Variants in SNTA1 observed in about 807,000 individuals in gnomAD.
SNTA1 encodes the protein syntrophin alpha 1, also known as alpha-1-syntrophin.
Under a neutral mutation model 47.1 loss-of-function variants are expected in SNTA1, and 31 were observed. The ratio of observed to expected loss-of-function variants is 0.66; its 90% CI spans 0.49 to 0.89. The LOEUF (loss-of-function observed/expected upper bound fraction) is 0.89. Ranked by LOEUF, SNTA1 falls within the 40% of genes least tolerant of loss-of-function variation. The pLI, the probability that SNTA1 is intolerant of heterozygous loss-of-function variation, is 0.00. For synonymous variants in SNTA1, 300 were observed against 313.6 expected (o/e 0.96, Z 0.46); for missense variants, 575 against 693.0 (o/e 0.83, Z 1.91).
intron 2 of SNTA1, among the ~76,000 whole-genome samples, chr20:33,431,317 G>T (rs772720182): frequency 2.0e-5 from 3 of 152,146 alleles, no homozygotes; most frequent in Non-Finnish European, 4.4e-5. Context: ...GCATCTGAAA[G>T]ACTTGAGCTC....
At chr20:33,426,891 G>A (rs546754836) in intron 2 of SNTA1, among the ~76,000 whole-genome samples, 4 of 151,762 alleles carry the variant, frequency 2.6e-5, no homozygotes, top group Admixed American at 1.3e-4. Flanking sequence ...GCAAAACTCC[G>A]TCTCTACCAA....
At position 33,408,418 on chromosome 20, in the gene SNTA1, C is replaced by A. The variant is rs1215908232; in HGVS notation, c.*89G>T. ...CTTGTTCCTCTCCTCTCCCTTCCCT[C>A]AGCCCAGGGGTGAGCAGGCAGTCGG... is the stretch of plus-strand genomic sequence containing the variant. On this transcript the variant is annotated 3_prime_UTR_variant, in exon 8 of 8. Coordinates refer to ENST00000217381, the MANE Select transcript of SNTA1 (RefSeq NM_003098.3). 2.1e-6 allele frequency: 2 copies of A among 943,260 alleles called. No individual in the cohort carries two copies. The highest frequency in any genetic ancestry group is 3.4e-6 in the Non-Finnish European group (2 of 582,130). The allele number at this position is 943,260 out of a possible 1,614,324, so 58.4% of individuals were successfully genotyped here.
chr20:33,414,902 C>G (rs79983103), intron 3 of SNTA1, among the ~76,000 whole-genome samples: 2,489 of 152,218 alleles, frequency 0.016, 64 homozygotes, highest in African/African-American at 0.056. Context: ...GAAAATTAAC[C>G]CCTTTTATTT....
chr20:33,422,860 T>C (rs960955770), intron 2 of SNTA1, among the ~76,000 whole-genome samples: 2 of 152,088 alleles, frequency 1.3e-5, no homozygotes, highest in Admixed American at 6.6e-5. Context: ...AGAGGTGCCA[T>C]AGCCCAGGAG....
chr20:33,413,725 C>T (rs1160912639), intron 3 of SNTA1, among the ~76,000 whole-genome samples: 2 of 150,662 alleles, frequency 1.3e-5, no homozygotes, highest in South Asian at 2.1e-4. Context: ...CCCAGGAGTT[C>T]GAGACCAGCC....
In SNTA1 at chr20:33,408,477, C is replaced by T. The variant is rs1444664597; in HGVS notation, c.*30G>A. On this transcript the variant is annotated 3_prime_UTR_variant, in exon 8 of 8. Coordinates refer to ENST00000217381, the MANE Select transcript of SNTA1 (RefSeq NM_003098.3). The stretch of plus-strand genomic sequence containing the variant: ...CAGCTCAGGCCATGTCATGGACACC[C>T]CTCTTCAGGGCTAGTGCATCCGGCG... The T allele has an allele frequency of 1.3e-6, 2 of 1,510,472 alleles. No individual in the cohort carries two copies. Among genetic ancestry groups the T allele is most frequent in the Admixed American group, 3.3e-5 (2 of 59,798 alleles). 93.6% of individuals were successfully genotyped at this position (1,510,472 alleles called of 1,614,324 possible). A position where few individuals can be genotyped will look rare whatever the true frequency, so the allele number is the denominator to read the frequency against.
chr20:33,425,713 T>C (rs966809483), intron 2 of SNTA1, among the ~76,000 whole-genome samples: 15 of 151,988 alleles, frequency 9.9e-5, no homozygotes, highest in African/African-American at 3.6e-4. Context: ...AGGCTTGTAA[T>C]AACGTCCTTG....
rs1359042004 is a variant in SNTA1, at chr20:33,408,805, C to G, written c.1321G>C (p.Ala441Pro). The change falls in exon 7 of 8, where the codon GCC (alanine) becomes CCC (proline). Residue 441 changes from alanine to proline, a missense_variant. Coordinates refer to ENST00000217381, the MANE Select transcript of SNTA1 (RefSeq NM_003098.3). ...GGCTGTCGCAGGAGCACAGCTCGGG[C>G]TGCACCTGGCTCAGCCGCCCACAGT... ...FTLWAAEPGA[A>P]RAVLLRQPFE... The G allele has an allele frequency of 6.2e-7, 1 of 1,614,196 alleles. No homozygotes were observed. The highest frequency in any genetic ancestry group is 8.5e-7 in the Non-Finnish European group (1 of 1,180,016).
chr20:33,430,747 G>A lies in SNTA1; in HGVS notation c.496+8094C>T, dbSNP rs147131997. Among the ~76,000 whole-genome samples, 934 of 151,646 alleles carry A rather than the reference G, an allele frequency of 6.2e-3. 15 individuals carry two copies. The highest frequency in any genetic ancestry group is 0.022 in the African/African-American group (899 of 41,350). ...GCGGATCACATGAGGTCAGGAATTC[G>A]AGACCAGCCTGGCTAACATGGTGAG... is the stretch of plus-strand genomic sequence containing the variant. On this transcript the variant is annotated intron_variant, in intron 2 of 7. Transcript: ENST00000217381.
chr20:33,410,128 A>G lies in SNTA1; in HGVS notation c.1237+7T>C. The G allele has an allele frequency of 2.5e-6, 4 of 1,614,192 alleles. No homozygotes were observed. The highest frequency in any genetic ancestry group is 3.4e-6 in the Non-Finnish European group (4 of 1,179,988). On this transcript the variant is annotated splice_region_variant and intron_variant, in intron 6 of 7. Transcript: ENST00000217381. ...CAGAGGGACACTCCCAGATCCTCCC[A>G]GCACACCTGTAGACACCTCCTGCAC...
chr20:33,443,642 C>A lies in SNTA1; in HGVS notation c.-22G>T. 1 of 1,195,264 alleles carries A rather than the reference C, an allele frequency of 8.4e-7. No homozygotes were observed. The highest frequency in any genetic ancestry group is 3.1e-5 in the South Asian group (1 of 32,238). The allele number at this position is 1,195,264 out of a possible 1,614,324, so 74.0% of individuals were successfully genotyped here. On this transcript the variant is annotated 5_prime_UTR_variant, in exon 1 of 8. Transcript: ENST00000217381. ...CCATCTTCGCCTCCGAGCCCCCGGGCCGCCGCGCTCGCCCTGTCCCGCTTT... is the reference window on the plus strand; with the variant it reads ...CCATCTTCGCCTCCGAGCCCCCGGGACGCCGCGCTCGCCCTGTCCCGCTTT...
At chr20:33,437,718 T>G (rs1260347191) in intron 2 of SNTA1, among the ~76,000 whole-genome samples, 3 of 152,150 alleles carry the variant, frequency 2.0e-5, no homozygotes, top group Non-Finnish European at 4.4e-5. Context: ...TTCTGGGCCA[T>G]AAGCCAGAGA....
intron 2 of SNTA1, among the ~76,000 whole-genome samples, chr20:33,427,710 C>T (rs941725831): frequency 1.3e-5 from 2 of 152,018 alleles, no homozygotes; most frequent in South Asian, 2.1e-4. Context: ...AGGCTTATAG[C>T]GCTATTGTCC....
chr20:33,408,617 A>G lies in SNTA1; in HGVS notation c.1426-18T>C, dbSNP rs1989656383. On this transcript the variant is annotated intron_variant, in intron 7 of 7. Coordinates refer to ENST00000217381, the MANE Select transcript of SNTA1 (RefSeq NM_003098.3). The stretch of plus-strand genomic sequence containing the variant: ...TCCAGCTGCTGGAGGGTGGATGGAG[A>G]GAAGAGTCAGGGCCCTGGCCAGCCT... The G allele has an allele frequency of 8.7e-6, 14 of 1,612,562 alleles. No homozygotes were observed. Among genetic ancestry groups the G allele is most frequent in the African/African-American group, 1.3e-5 (1 of 74,974 alleles).
Position 33,408,810 on chromosome 20 carries a change from C to T in SNTA1, c.1316G>A (p.Gly439Asp). 1 of 1,614,196 alleles carries T rather than the reference C, an allele frequency of 6.2e-7. No homozygotes were observed. Among genetic ancestry groups the T allele is most frequent in the Non-Finnish European group, 8.5e-7 (1 of 1,180,022 alleles). Residue 439 changes from glycine (G) to aspartate (D), a missense_variant, in exon 7 of 8, where the codon GGT becomes GAT. By Grantham distance (94) the Gly-to-Asp change is moderately conservative. Transcript: ENST00000217381. ...KGFTLWAAEP[G>D]AARAVLLRQP... ...TCGCAGGAGCACAGCTCGGGCTGCA[C>T]CTGGCTCAGCCGCCCACAGTGTGAA...
At chr20:33,427,715 T>C (rs897754404) in intron 2 of SNTA1, among the ~76,000 whole-genome samples, 1 of 152,080 alleles carries the variant, frequency 6.6e-6, no homozygotes. Flanking sequence ...TATAGCGCTA[T>C]TGTCCATCCT....
chr20:33,408,872 CCCATTCCACGTGCAGGCTGCAGGGAGGG>C lies in SNTA1; in HGVS notation c.1238-12_1253del. The stretch of plus-strand genomic sequence containing the variant: ...TGTGCACAGACAGGCTGCAGGGACG[CCCATTCCACGTGCAGGCTGCAGGGAGGG>C]CACATAGGTACAGGCACAGCTGGCA... On this transcript the variant is annotated splice_acceptor_variant and splice_polypyrimidine_tract_variant and coding_sequence_variant and intron_variant, in exon 7 of 8. Coordinates refer to ENST00000217381, the MANE Select transcript of SNTA1 (RefSeq NM_003098.3). LOFTEE classifies it high-confidence loss of function. 6.2e-7 allele frequency: 1 copy of C among 1,614,074 alleles called. No homozygotes were observed. Among genetic ancestry groups the C allele is most frequent in the East Asian group, 2.2e-5 (1 of 44,878 alleles).
At chr20:33,409,530 G>A (rs1989685858) in intron 6 of SNTA1, among the ~76,000 whole-genome samples, 1 of 152,204 alleles carries the variant, frequency 6.6e-6, no homozygotes, top group African/African-American at 2.4e-5. Context: ...GCGCAATCTC[G>A]GCTCACCACA....
rs370869167 is a variant in SNTA1, at chr20:33,410,359, A to C, written c.1041-28T>G. On this transcript the variant is annotated intron_variant, in intron 5 of 7. Coordinates refer to ENST00000217381, the MANE Select transcript of SNTA1 (RefSeq NM_003098.3). Reference sequence around the variant, plus strand: ...GGGGGTTGGGGGCAGAGGGCTGAGCATGAGGCCTCAGGCCGGAGGCAAATA... The same window carrying C: ...GGGGGTTGGGGGCAGAGGGCTGAGCCTGAGGCCTCAGGCCGGAGGCAAATA... 2.5e-5 allele frequency: 37 copies of C among 1,485,210 alleles called. No homozygotes were observed. In the African/African-American group the frequency reaches 2.9e-4, roughly 12 times the overall value. The allele number at this position is 1,485,210 out of a possible 1,614,324, so 92.0% of individuals were successfully genotyped here.
Sources: allele counts gnomAD v4.1 joint callset (sites outside exome capture counted in the v4.1 genomes callset), GRCh38; gene constraint gnomAD v4.1.1; transcripts MANE v1.5; gene names NCBI Gene and HGNC (gene_info 2026-07-23, HGNC 2026-07-21).